Variants in PLEKHG3 observed in about 807,000 individuals in gnomAD.
The protein encoded by PLEKHG3 is pleckstrin homology and RhoGEF domain containing G3, also known as pleckstrin homology domain-containing family G member 3.
In PLEKHG3, 62 loss-of-function variants were observed where a neutral mutation model predicts 94.9. That is an observed-to-expected ratio of 0.65 (90% CI 0.53 to 0.81). The LOEUF is 0.81. Among genes scored for constraint, PLEKHG3 ranks in the 30% least tolerant of loss-of-function variants. The probability of loss-of-function intolerance (pLI) is 0.00; values close to 1 mark genes in which losing one functional copy is unlikely to be tolerated. For synonymous variants in PLEKHG3, 614 were observed against 654.0 expected (o/e 0.94, Z 0.93); for missense variants, 1,461 against 1,619.3 (o/e 0.90, Z 1.68).
Position 64,730,697 on chromosome 14 carries a change from T to C in PLEKHG3, c.566+9T>C, listed in dbSNP as rs73273530. Reference sequence around the variant, plus strand: ...TGCAACAATTACCCCAAGTGAGTAATTGGGGTGAGAGGGAAGGCAGAGCCA... The same window carrying C: ...TGCAACAATTACCCCAAGTGAGTAACTGGGGTGAGAGGGAAGGCAGAGCCA... On this transcript the variant is annotated intron_variant, in intron 5 of 16. Transcript: ENST00000247226. This position sits in a 1 kb window ranked among gnomAD's most constrained non-coding sequence, Gnocchi z 5.4. 0.035 allele frequency: 56,745 copies of C among 1,613,018 alleles called. 1,219 individuals are homozygous for C. The highest frequency in any genetic ancestry group is 0.06 in the South Asian group (5,455 of 91,070).
Position 64,730,565 on chromosome 14 carries a change from A to G in PLEKHG3, c.520-77A>G. The G allele has an allele frequency of 8.2e-7, 1 of 1,215,824 alleles. No individual in the cohort carries two copies. The highest frequency in any genetic ancestry group is 1.2e-6 in the Non-Finnish European group (1 of 822,704). 75.3% of individuals were successfully genotyped at this position (1,215,824 alleles called of 1,614,324 possible). A position where few individuals can be genotyped will look rare whatever the true frequency, so the allele number is the denominator to read the frequency against. On this transcript the variant is annotated intron_variant, in intron 4 of 16. Transcript: ENST00000247226. The surrounding 1 kb of genome is among the most constrained non-coding windows in gnomAD (Gnocchi z 5.4). ...GGGGACAGAGGGTGCTCTGGGGGCC[A>G]GGGGCCTATCTGCTACCACCATCTT...
At position 64,749,559 on chromosome 14, in the gene PLEKHG3, A is replaced by G. The variant is rs1594731344; in HGVS notation, c.*5856A>G. On this transcript the variant is annotated 3_prime_UTR_variant, in exon 17 of 17. Transcript: ENST00000247226. The surrounding 1 kb of genome is among the most constrained non-coding windows in gnomAD (Gnocchi z 4.7). ...GGCAACAATGGTGGGGGCTCTTGGG[A>G]CTGCCCCTTCTGAGGGGGCCTCCAG... 1 of 1,604,190 alleles carries G rather than the reference A, an allele frequency of 6.2e-7. No homozygotes were observed. Among genetic ancestry groups the G allele is most frequent in the South Asian group, 1.1e-5 (1 of 90,830 alleles).
At position 64,730,584 on chromosome 14, in the gene PLEKHG3, C is replaced by T. The variant is rs147320201; in HGVS notation, c.520-58C>T. 376 of 1,443,026 alleles carry T rather than the reference C, an allele frequency of 2.6e-4. 1 individual carries two copies. In the African/African-American group the frequency reaches 4.7e-3, roughly 18 times the overall value. 89.4% of individuals were successfully genotyped at this position (1,443,026 alleles called of 1,614,324 possible). On this transcript the variant is annotated intron_variant, in intron 4 of 16. Transcript: ENST00000247226. This position sits in a 1 kb window ranked among gnomAD's most constrained non-coding sequence, Gnocchi z 5.4. The stretch of plus-strand genomic sequence containing the variant: ...GGGGCCAGGGGCCTATCTGCTACCA[C>T]CATCTTTACTGTCAAATGAGAATCT...
At chr14:64,736,009 T>C (rs907296330) in intron 12 of PLEKHG3, among the ~76,000 whole-genome samples, 17 of 152,276 alleles carry the variant, frequency 1.1e-4, no homozygotes, top group African/African-American at 4.1e-4. Context: ...AAAGAGGTTC[T>C]TCAACAGGCC....
chr14:64,736,314 A>G (rs551952286), intron 12 of PLEKHG3, among the ~76,000 whole-genome samples: 3 of 151,994 alleles, frequency 2.0e-5, no homozygotes, highest in East Asian at 1.9e-4. Context: ...CAGCCGGGCA[A>G]CTCTCCCCAG....
In PLEKHG3 at chr14:64,731,208, G is replaced by A. The variant is rs960114056; in HGVS notation, c.849+39G>A. 3 of 1,559,524 alleles carry A rather than the reference G, an allele frequency of 1.9e-6. No individual in the cohort carries two copies. The highest frequency in any genetic ancestry group is 2.6e-6 in the Non-Finnish European group (3 of 1,137,896). Reference sequence around the variant, plus strand: ...GGGACGCTGGGGGAGGGGCAGGGCTGGGTGGGCCAGGCTTCCGCTGGGAAG... The same window carrying A: ...GGGACGCTGGGGGAGGGGCAGGGCTAGGTGGGCCAGGCTTCCGCTGGGAAG... On this transcript the variant is annotated intron_variant, in intron 7 of 16. Transcript: ENST00000247226. This position sits in a 1 kb window ranked among gnomAD's most constrained non-coding sequence, Gnocchi z 6.1.
intron 12 of PLEKHG3, 103 bp downstream of exon 12, chr14:64,733,004 GA>G: frequency 5.6e-6 from 4 of 711,522 alleles, no homozygotes; most frequent in Non-Finnish European, 9.7e-6. Context: ...CACCTCTGCG[GA>G]AACCCTGGGA....
chr14:64,708,318 C>A (rs543300969), intron 1 of PLEKHG3, among the ~76,000 whole-genome samples: 1 of 152,138 alleles, frequency 6.6e-6, no homozygotes, highest in Non-Finnish European at 1.5e-5. Flanking sequence ...CCTGACCTCC[C>A]GACTCTGCCT....
rs1056050012 is a variant in PLEKHG3, at chr14:64,748,279, G to A, written c.*4576G>A. On this transcript the variant is annotated 3_prime_UTR_variant, in exon 17 of 17. Coordinates refer to ENST00000247226, the MANE Select transcript of PLEKHG3 (RefSeq NM_001308147.2). ...GCAGACAGGATGCAATTGAGCATTT[G>A]GCTTTGGGATGCTTTACTGCAGGTG... 6 of 152,250 alleles carry A rather than the reference G, an allele frequency of 3.9e-5. No individual in the cohort carries two copies. Among genetic ancestry groups the A allele is most frequent in the Non-Finnish European group, 8.8e-5 (6 of 68,080 alleles). 9.4% of individuals were successfully genotyped at this position (152,250 alleles called of 1,614,324 possible). A position where few individuals can be genotyped will look rare whatever the true frequency, so the allele number is the denominator to read the frequency against.
At chr14:64,708,380 TG>T (rs1467730371) in intron 1 of PLEKHG3, among the ~76,000 whole-genome samples, 4 of 151,992 alleles carry the variant, frequency 2.6e-5, no homozygotes, top group African/African-American at 9.7e-5. Context: ...AGGTAAATTA[TG>T]CCTGGAGGTC....
intron 15 of PLEKHG3, among the ~76,000 whole-genome samples, chr14:64,740,643 A>G (rs767891968): frequency 2.6e-5 from 4 of 152,208 alleles, no homozygotes; most frequent in Non-Finnish European, 5.9e-5. Context: ...CTGCCTCACC[A>G]TCAGCCATGC....
At position 64,727,862 on chromosome 14, in the gene PLEKHG3, G is replaced by A. The variant is rs372062370; in HGVS notation, c.231G>A (p.Pro77=). 15 of 1,613,218 alleles carry A rather than the reference G, an allele frequency of 9.3e-6. No homozygotes were observed. Among genetic ancestry groups the A allele is most frequent in the African/African-American group, 5.3e-5 (4 of 74,924 alleles). The part of the protein sequence containing the change: ...SWLNVKGPLS[P]FNSRAAAGPA... The stretch of plus-strand genomic sequence containing the variant: ...TGAACGTGAAGGGGCCCCTCTCCCC[G>A]TTCAACAGCCGGGCAGCGGCAGGGC... The change falls in exon 2 of 17, where the codon CCG becomes CCA. Residue 77 remains proline, a synonymous_variant. Coordinates refer to ENST00000247226, the MANE Select transcript of PLEKHG3 (RefSeq NM_001308147.2). This position sits in a 1 kb window ranked among gnomAD's most constrained non-coding sequence, Gnocchi z 6.0.
In PLEKHG3 at chr14:64,741,372, G is replaced by A. The variant is rs1054527232; in HGVS notation, c.1855G>A (p.Val619Met). The A allele has an allele frequency of 5.6e-6, 9 of 1,613,410 alleles. No individual in the cohort carries two copies. Among genetic ancestry groups the A allele is most frequent in the Admixed American group, 1.7e-5 (1 of 60,020 alleles). Residue 619 changes from valine to methionine, a missense_variant, in exon 16 of 17, where the codon GTG becomes ATG. Physicochemically the swap from Val to Met is conservative, Grantham distance 21. Coordinates refer to ENST00000247226, the MANE Select transcript of PLEKHG3 (RefSeq NM_001308147.2). ...FVSSFSRRSS[V>M]AQEDSKSSGF... ...CAGCAGCTTCTCTCGGCGGAGCAGCGTGGCACAGGAGGACAGCAAGTCCAG... is the reference window on the plus strand; with the variant it reads ...CAGCAGCTTCTCTCGGCGGAGCAGCATGGCACAGGAGGACAGCAAGTCCAG...
At position 64,728,900 on chromosome 14, in the gene PLEKHG3, G is replaced by A. The variant is rs2081403686; in HGVS notation, c.352-96G>A. 1.8e-6 allele frequency: 1 copy of A among 567,650 alleles called. No homozygotes were observed. Among genetic ancestry groups the A allele is most frequent in the South Asian group, 2.1e-5 (1 of 47,108 alleles). 35.2% of individuals were successfully genotyped at this position (567,650 alleles called of 1,614,324 possible). ...TCTCACAGTAGGCAATGTCCGTGAA[G>A]TGGTGTTACAGCAGGGCCGAAACGA... On this transcript the variant is annotated intron_variant, in intron 2 of 16. Coordinates refer to ENST00000247226, the MANE Select transcript of PLEKHG3 (RefSeq NM_001308147.2). This position sits in a 1 kb window ranked among gnomAD's most constrained non-coding sequence, Gnocchi z 5.9.
At chr14:64,705,276 G>A (rs2080953390) in intron 1 of PLEKHG3, among the ~76,000 whole-genome samples, 1 of 152,218 alleles carries the variant, frequency 6.6e-6, no homozygotes, top group Admixed American at 6.5e-5. Flanking sequence ...TCCTGAAGTC[G>A]GTTTGGTTCT....
Position 64,739,523 on chromosome 14 carries a change from T to G in PLEKHG3, c.1518+668T>G, listed in dbSNP as rs908007892. Among the ~76,000 whole-genome samples the G allele has an allele frequency of 1.1e-4, 17 of 152,230 alleles. No homozygotes were observed. Among genetic ancestry groups the G allele is most frequent in the African/African-American group, 4.1e-4 (17 of 41,452 alleles). ...GTGAGCTACAGCCTGGACCCCATGT[T>G]GGACCCCACAGCCAGGACTGAGAAG... On this transcript the variant is annotated intron_variant, in intron 15 of 16. Coordinates refer to ENST00000247226, the MANE Select transcript of PLEKHG3 (RefSeq NM_001308147.2). The surrounding 1 kb of genome is among the most constrained non-coding windows in gnomAD (Gnocchi z 4.1).
rs1555359440 is a variant in PLEKHG3 at position 64,716,496 on chromosome 14, A to AC, written c.-39-11097_-39-11096insC. 0.01 allele frequency among the ~76,000 whole-genome samples: 813 copies of AC among 79,512 alleles called. 6 individuals are homozygous for AC. The highest frequency in any genetic ancestry group is 0.015 in the Non-Finnish European group (620 of 41,134). The allele number at this position is 79,512 out of a possible 152,430, so 52.2% of individuals were successfully genotyped here. On this transcript the variant is annotated intron_variant, in intron 1 of 16. Transcript: ENST00000247226. This position sits in a 1 kb window ranked among gnomAD's most constrained non-coding sequence, Gnocchi z 5.0. ...ACACACACACAACACACACACACACAACACACACACACACACACACACACA... is the reference window on the plus strand; with the variant it reads ...ACACACACACAACACACACACACACACACACACACACACACACACACACACA...
chr14:64,728,073 G>A lies in PLEKHG3; in HGVS notation c.351+91G>A. 1.2e-6 allele frequency: 1 copy of A among 840,982 alleles called. No homozygotes were observed. The highest frequency in any genetic ancestry group is 2.7e-5 in the East Asian group (1 of 36,634). 52.1% of individuals were successfully genotyped at this position (840,982 alleles called of 1,614,324 possible). A position where few individuals can be genotyped will look rare whatever the true frequency, so the allele number is the denominator to read the frequency against. ...TCTCAAAAGACCTGCTTCCCATAAA[G>A]TAGTTGGAGAACTGGGGTCTCCCAC... On this transcript the variant is annotated intron_variant, in intron 2 of 16. Transcript: ENST00000247226. This position sits in a 1 kb window ranked among gnomAD's most constrained non-coding sequence, Gnocchi z 5.9.
At chr14:64,719,456 T>C (rs1403681471) in intron 1 of PLEKHG3, among the ~76,000 whole-genome samples, 4 of 151,918 alleles carry the variant, frequency 2.6e-5, no homozygotes, top group Non-Finnish European at 1.5e-5. Context: ...ACTGTGCCTA[T>C]TTTCCTCATG....
Sources: gnomAD v4.1 joint callset for allele counts (sites outside exome capture counted in the v4.1 genomes callset) on GRCh38, gnomAD v4.1.1 for gene constraint, Gnocchi (gnomAD v3.1) non-coding constraint, MANE v1.5 for transcripts, NCBI Gene and HGNC (gene_info 2026-07-23, HGNC 2026-07-21) for gene names.